The following SLC9A9 variants were observed in gnomAD, a reference collection of about 807,000 sequenced individuals.
SLC9A9 encodes sodium/hydrogen exchanger 9.
A neutral mutation model predicts 77.8 loss-of-function variants in SLC9A9; 62 were observed. The observed-to-expected ratio is 0.80, with a 90% CI of 0.65 to 0.98. The LOEUF (loss-of-function observed/expected upper bound fraction) is 0.98. SLC9A9 is among the 50% of genes least tolerant of loss of function. The probability of loss-of-function intolerance (pLI) is 0.00; values close to 1 mark genes in which losing one functional copy is unlikely to be tolerated. For synonymous variants in SLC9A9, 320 were observed against 283.5 expected, an observed-to-expected ratio of 1.13 and a Z score of -1.29; for missense variants, 775 against 774.9, an observed-to-expected ratio of 1.00 and a Z score of 0.00.
intron 6 of SLC9A9, among the ~76,000 whole-genome samples, chr3:143,586,333 C>T (rs2037541459): frequency 6.6e-6 from 1 of 152,216 alleles, no homozygotes; most frequent in Non-Finnish European, 1.5e-5. Flanking sequence ...ACAAGATCAT[C>T]ATGTGACATT....
intron 6 of SLC9A9, among the ~76,000 whole-genome samples, chr3:143,630,303 G>A (rs1179389974): frequency 6.6e-6 from 1 of 152,162 alleles, no homozygotes; most frequent in Non-Finnish European, 1.5e-5. Flanking sequence ...AGCAACAGCA[G>A]AAAATAACCA....
chr3:143,524,171 C>A (rs2036364210), intron 9 of SLC9A9, among the ~76,000 whole-genome samples: 1 of 81,942 alleles, frequency 1.2e-5, no homozygotes, highest in Non-Finnish European at 2.5e-5. Context: ...AAATGCTACA[C>A]TGAAGATAGA....
chr3:143,372,509 TAA>T (rs1404869223), intron 13 of SLC9A9, among the ~76,000 whole-genome samples: 2 of 151,498 alleles, frequency 1.3e-5, no homozygotes, highest in African/African-American at 4.8e-5. Context: ...CCTGAAACCA[TAA>T]AAAGTCTAGA....
At chr3:143,660,077 C>G (rs993152882) in intron 5 of SLC9A9, among the ~76,000 whole-genome samples, 2 of 152,212 alleles carry the variant, frequency 1.3e-5, no homozygotes, top group Non-Finnish European at 2.9e-5. Context: ...TCAATTAAAC[C>G]TCTTTCCTTT....
chr3:143,616,952 A>T (rs2038116260), intron 6 of SLC9A9, among the ~76,000 whole-genome samples: 1 of 152,078 alleles, frequency 6.6e-6, no homozygotes, highest in Admixed American at 6.6e-5. Flanking sequence ...GAAACCAAGA[A>T]ATAAAACAAA....
intron 9 of SLC9A9, among the ~76,000 whole-genome samples, chr3:143,496,844 A>T (rs1006704038): frequency 1.3e-5 from 2 of 152,224 alleles, no homozygotes; most frequent in Non-Finnish European, 2.9e-5. Context: ...CTTAAACAAC[A>T]GAAATTTATT....
At chr3:143,318,105 AACC>A (rs2031288580) in intron 14 of SLC9A9, among the ~76,000 whole-genome samples, 2 of 152,298 alleles carry the variant, frequency 1.3e-5, no homozygotes, top group African/African-American at 4.8e-5. Context: ...AGATTGTTAT[AACC>A]ACCAGCAGTG....
intron 4 of SLC9A9, among the ~76,000 whole-genome samples, chr3:143,764,365 A>C (rs1027325241): frequency 9.2e-5 from 14 of 152,180 alleles, no homozygotes; most frequent in Admixed American, 8.5e-4. Context: ...TTCCAGATAG[A>C]ACACTTCTAA....
intron 2 of SLC9A9, among the ~76,000 whole-genome samples, chr3:143,810,937 C>A (rs776161029): frequency 1.2e-4 from 18 of 152,068 alleles, no homozygotes; most frequent in Non-Finnish European, 2.1e-4. Context: ...ACAGGGACAC[C>A]ATTCTGGGCT....
intron 11 of SLC9A9, among the ~76,000 whole-genome samples, chr3:143,488,819 A>G (rs1326776641): frequency 6.6e-6 from 1 of 152,024 alleles, no homozygotes; most frequent in Non-Finnish European, 1.5e-5. Context: ...CTTTTATTCT[A>G]AGGTCAGGAA....
intron 4 of SLC9A9, among the ~76,000 whole-genome samples, chr3:143,696,606 G>A (rs1203362063): frequency 6.6e-6 from 1 of 152,124 alleles, no homozygotes; most frequent in African/African-American, 2.4e-5. Context: ...TTGGCCCTTT[G>A]TCACTTGAAC....
At chr3:143,363,853 T>C (rs991059009) in intron 13 of SLC9A9, among the ~76,000 whole-genome samples, 20 of 151,938 alleles carry the variant, frequency 1.3e-4, no homozygotes, top group African/African-American at 4.8e-5. Flanking sequence ...ATTTCTGCCA[T>C]AGTGCTGTTG....
At chr3:143,644,811 C>A (rs1456315938) in intron 6 of SLC9A9, among the ~76,000 whole-genome samples, 4 of 151,766 alleles carry the variant, frequency 2.6e-5, no homozygotes, top group Admixed American at 6.6e-5. Flanking sequence ...AGACAGGCAT[C>A]AAAATAAATG....
chr3:143,476,500 T>C (rs917743969), intron 11 of SLC9A9, among the ~76,000 whole-genome samples: 1 of 152,260 alleles, frequency 6.6e-6, no homozygotes, highest in Non-Finnish European at 1.5e-5. Context: ...CAAGCATAGA[T>C]GCCTCTGGCT....
chr3:143,315,082 T>C (rs1349206127), intron 14 of SLC9A9, among the ~76,000 whole-genome samples: 1 of 152,178 alleles, frequency 6.6e-6, no homozygotes, highest in Admixed American at 6.5e-5. Flanking sequence ...CTCAAGGAAA[T>C]TACAGAATCC....
At chr3:143,806,980 C>A (rs1160580811) in intron 2 of SLC9A9, among the ~76,000 whole-genome samples, 1 of 152,124 alleles carries the variant, frequency 6.6e-6, no homozygotes, top group South Asian at 2.1e-4. Flanking sequence ...TTACTCTGGG[C>A]CTGTTTGGGC....
At chr3:143,548,903 T>C (rs2036835316) in intron 9 of SLC9A9, among the ~76,000 whole-genome samples, 1 of 152,256 alleles carries the variant, frequency 6.6e-6, no homozygotes, top group African/African-American at 2.4e-5. Context: ...AGAACTATTT[T>C]GTAAATCATG....
At position 143,523,639 on chromosome 3, in the gene SLC9A9, C is replaced by G. The variant is rs2036355797; in HGVS notation, c.1090-28191G>C. On this transcript the variant is annotated intron_variant, in intron 9 of 15. Coordinates refer to ENST00000316549, the MANE Select transcript of SLC9A9 (RefSeq NM_173653.4). ...TATGTAAAATTGGAGAATTTAATACCTACTGTGCAAACTTGTTATATACTT... is the reference window on the plus strand; with the variant it reads ...TATGTAAAATTGGAGAATTTAATACGTACTGTGCAAACTTGTTATATACTT... Among the ~76,000 whole-genome samples, 3 of 152,058 alleles carry G rather than the reference C, an allele frequency of 2.0e-5. No individual in the cohort carries two copies. In the South Asian group the frequency reaches 6.2e-4, roughly 32 times the overall value.
chr3:143,692,139 A>G (rs11712629), intron 5 of SLC9A9, among the ~76,000 whole-genome samples: 65,512 of 151,868 alleles, frequency 0.43, 14,313 homozygotes, highest in South Asian at 0.6. Context: ...TATTCGATTC[A>G]ACCACAAGAC....
Sources: allele counts gnomAD v4.1 joint callset (sites outside exome capture counted in the v4.1 genomes callset), GRCh38; gene constraint gnomAD v4.1.1; transcripts MANE v1.5; gene names NCBI Gene and HGNC (gene_info 2026-07-23, HGNC 2026-07-21).